CD53: variants seen among roughly 807,000 people sequenced by gnomAD.
The protein encoded by CD53 is leukocyte surface antigen CD53.
A neutral mutation model predicts 27.3 loss-of-function variants in CD53; 20 were observed. The ratio of observed to expected loss-of-function variants is 0.73; its 90% CI spans 0.52 to 1.07. The LOEUF is 1.07. Ranked by LOEUF, CD53 falls within the 50% of genes least tolerant of loss-of-function variation. CD53 has a pLI of 0.00. For synonymous variants in CD53, 106 were observed against 105.3 expected (o/e 1.01, Z -0.04); for missense variants, 216 against 264.0 (o/e 0.82, Z 1.26).
intron 3 of CD53, among the ~76,000 whole-genome samples, chr1:110,893,339 G>C (rs532979668): frequency 5.9e-5 from 9 of 152,114 alleles, no homozygotes; most frequent in African/African-American, 2.2e-4. Context: ...TTGTTGTTTT[G>C]GAGATGGAGT....
At chr1:110,879,392 G>A (rs946399972) in intron 1 of CD53, among the ~76,000 whole-genome samples, 2 of 152,206 alleles carry the variant, frequency 1.3e-5, no homozygotes, top group Admixed American at 6.5e-5. Context: ...AACTAGACCT[G>A]TCTGATTCCA....
At chr1:110,891,800 T>C (rs1204831643) in intron 2 of CD53, among the ~76,000 whole-genome samples, 1 of 152,222 alleles carries the variant, frequency 6.6e-6, no homozygotes, top group East Asian at 1.9e-4. Flanking sequence ...TTTCTTGTCT[T>C]TTTTTCTAGA....
At chr1:110,895,808 T>C (rs1029389301) in intron 5 of CD53, among the ~76,000 whole-genome samples, 3 of 152,188 alleles carry the variant, frequency 2.0e-5, no homozygotes, top group Non-Finnish European at 4.4e-5. Flanking sequence ...ATAGTTAACA[T>C]TTTCCAGTGT....
intron 1 of CD53, among the ~76,000 whole-genome samples, chr1:110,885,006 T>C (rs2101048748): frequency 6.6e-6 from 1 of 152,290 alleles, no homozygotes; most frequent in South Asian, 2.1e-4. Context: ...TTTTTCTACT[T>C]GTTCTTTATT....
chr1:110,888,652 A>T (rs1286345727), intron 1 of CD53, among the ~76,000 whole-genome samples: 1 of 152,222 alleles, frequency 6.6e-6, no homozygotes, highest in African/African-American at 2.4e-5. Flanking sequence ...GAAAATGAAA[A>T]AGGTGAAATG....
chr1:110,885,399 G>A (rs1656536927), intron 1 of CD53, among the ~76,000 whole-genome samples: 1 of 152,170 alleles, frequency 6.6e-6, no homozygotes, highest in Non-Finnish European at 1.5e-5. Context: ...TTAGCTGGAC[G>A]TGGTGGCAGG....
chr1:110,890,303 A>G (rs1656800726), intron 1 of CD53, among the ~76,000 whole-genome samples: 1 of 152,222 alleles, frequency 6.6e-6, no homozygotes, highest in Non-Finnish European at 1.5e-5. Context: ...GCGGTAGCTC[A>G]TGCCTGTAAT....
At chr1:110,877,448 G>A (rs1343934354) in intron 1 of CD53, among the ~76,000 whole-genome samples, 1 of 152,164 alleles carries the variant, frequency 6.6e-6, no homozygotes, top group East Asian at 1.9e-4. Flanking sequence ...CTGGTCTCTT[G>A]ACTCTGTAAC....
At chr1:110,877,399 A>C (rs1038406819) in intron 1 of CD53, among the ~76,000 whole-genome samples, 4 of 152,190 alleles carry the variant, frequency 2.6e-5, no homozygotes, top group Non-Finnish European at 5.9e-5. Context: ...CCCCGTATGT[A>C]AAGTTCTGCA....
chr1:110,899,336 G>A lies in CD53; in HGVS notation c.*141G>A, dbSNP rs1350247360. 2.3e-5 allele frequency: 14 copies of A among 601,728 alleles called. No homozygotes were observed. Among genetic ancestry groups the A allele is most frequent in the African/African-American group, 2.3e-4 (12 of 53,286 alleles). The allele number at this position is 601,728 out of a possible 1,614,324, so 37.3% of individuals were successfully genotyped here. On this transcript the variant is annotated 3_prime_UTR_variant, in exon 8 of 8. Coordinates refer to ENST00000271324, the MANE Select transcript of CD53 (RefSeq NM_000560.4). The stretch of plus-strand genomic sequence containing the variant: ...TTTAGGTCCCTGTCTTATACAACCA[G>A]AGAAGTGGGTGTTGGCCAGGCACAT...
At chr1:110,892,274 G>C in intron 2 of CD53, 71 bp from the exon 3 acceptor site, 1 of 1,035,294 alleles carries the variant, frequency 9.7e-7, no homozygotes, top group Non-Finnish European at 1.5e-6. Context: ...TGATCTCAAG[G>C]AAGTGAGAAT....
intron 1 of CD53, among the ~76,000 whole-genome samples, chr1:110,889,867 CTAATT>C (rs1286482612): frequency 6.6e-6 from 1 of 151,958 alleles, no homozygotes; most frequent in East Asian, 1.9e-4. Flanking sequence ...CATTTATAAT[CTAATT>C]TATTTTATTT....
intron 1 of CD53, among the ~76,000 whole-genome samples, chr1:110,882,908 G>A (rs184170162): frequency 1.6e-4 from 25 of 152,018 alleles, no homozygotes; most frequent in African/African-American, 4.6e-4. Context: ...ATTGAATCTT[G>A]TTTCTAGCAA....
chr1:110,886,871 T>TA (rs1243346959), intron 1 of CD53, among the ~76,000 whole-genome samples: 842 of 76,042 alleles, frequency 0.011, 15 homozygotes, highest in South Asian at 0.056. Flanking sequence ...ATATATATAT[T>TA]TTTTTTTTCT....
In CD53 at chr1:110,894,974, G is replaced by A. The variant is rs1304374035; in HGVS notation, c.342G>A (p.Val114=). ...FVYEQKLNEY[V]AKGLTDSIHR... is the part of the protein sequence containing the mutation. ...TGCCTGCCCAGCTGAATGAGTATGT[G>A]GCTAAGGGTCTGACCGACAGCATCC... Residue 114 remains valine (V), a synonymous_variant, in exon 5 of 8, where the codon GTG becomes GTA. Transcript: ENST00000271324. The A allele has an allele frequency of 6.2e-7, 1 of 1,613,826 alleles. No individual in the cohort carries two copies. The highest frequency in any genetic ancestry group is 8.5e-7 in the Non-Finnish European group (1 of 1,179,760).
upstream of CD53, among the ~76,000 whole-genome samples, chr1:110,872,352 C>A (rs1655991100): frequency 1.3e-5 from 2 of 152,178 alleles, no homozygotes; most frequent in South Asian, 4.1e-4. Context: ...AATTTTCTAA[C>A]CTCTTTGAGC....
intron 7 of CD53, 123 bp downstream of exon 7, chr1:110,898,015 A>G: frequency 1.9e-6 from 1 of 522,770 alleles, no homozygotes; most frequent in Non-Finnish European, 3.4e-6. Context: ...TAATATATGA[A>G]TTCCCCCAGC....
chr1:110,894,564 A>G (rs1006263970), intron 4 of CD53, among the ~76,000 whole-genome samples, 163 bp downstream of exon 4: 3 of 152,008 alleles, frequency 2.0e-5, no homozygotes, highest in Admixed American at 6.6e-5. Context: ...GAAAATTTGT[A>G]TGAAAGAGAT....
intron 1 of CD53, among the ~76,000 whole-genome samples, chr1:110,886,846 A>AATATATAT (rs1553203678): frequency 5.8e-4 from 59 of 101,000 alleles, no homozygotes; most frequent in Middle Eastern, 6.0e-3. Context: ...CTCTGTCTCC[A>AATATATAT]ATATATATAT....
Sources: allele counts gnomAD v4.1 joint callset (sites outside exome capture counted in the v4.1 genomes callset), GRCh38; gene constraint gnomAD v4.1.1; transcripts MANE v1.5; gene names NCBI Gene and HGNC (gene_info 2026-07-23, HGNC 2026-07-21).